The following ZNF768 variants were observed in gnomAD, a reference collection of about 807,000 sequenced individuals.
The protein encoded by ZNF768 is zinc finger protein 768.
ZNF768 carries 12 observed loss-of-function variants against 39.7 expected under a neutral mutation model. The ratio of observed to expected loss-of-function variants is 0.30; its 90% CI spans 0.19 to 0.49. The LOEUF (loss-of-function observed/expected upper bound fraction) is 0.49, where lower values mean the gene tolerates loss of function less well. ZNF768 is among the 20% of genes least tolerant of loss of function. ZNF768 has a pLI of 0.99. For missense variants in ZNF768, 613 were observed against 723.2 expected (o/e 0.85, Z 1.75); for synonymous variants, 360 against 288.4 (o/e 1.25, Z -2.52).
At position 30,526,438 on chromosome 16, in the gene ZNF768, CGGCGGCGAT is replaced by C; in HGVS notation, c.-34_-26del. The C allele has an allele frequency of 6.5e-7, 1 of 1,530,032 alleles. No homozygotes were observed. Among genetic ancestry groups the C allele is most frequent in the Non-Finnish European group, 8.8e-7 (1 of 1,140,360 alleles). The allele number at this position is 1,530,032 out of a possible 1,614,324, so 94.8% of individuals were successfully genotyped here. A position where few individuals can be genotyped will look rare whatever the true frequency, so the allele number is the denominator to read the frequency against. On this transcript the variant is annotated 5_prime_UTR_variant, in exon 1 of 2. Coordinates refer to ENST00000380412, the MANE Select transcript of ZNF768 (RefSeq NM_024671.4). ...TCCCCGCGGGCTCCCAGTGCAGCGGCGGCGGCGATGGCGGCCGATCCCGCGACCCGGCCT... is the reference window on the plus strand; with the variant it reads ...TCCCCGCGGGCTCCCAGTGCAGCGGCGGCGGCCGATCCCGCGACCCGGCCT...
upstream of ZNF768, chr16:30,530,423 T>C (rs1367227489): frequency 1.3e-5 from 2 of 152,248 alleles, no homozygotes; most frequent in Middle Eastern, 3.2e-3. The surrounding 1 kb of genome is among the most constrained non-coding windows in gnomAD (Gnocchi z 4.4). Flanking sequence ...TCTATCTGGC[T>C]GTCAGTCTGG....
rs923369034 is a variant in ZNF768, at chr16:30,526,497, C to T, written c.-84G>A. The T allele has an allele frequency of 8.0e-7, 1 of 1,249,926 alleles. No individual in the cohort carries two copies. The allele number at this position is 1,249,926 out of a possible 1,614,324, so 77.4% of individuals were successfully genotyped here. On this transcript the variant is annotated 5_prime_UTR_variant, in exon 1 of 2. Coordinates refer to ENST00000380412, the MANE Select transcript of ZNF768 (RefSeq NM_024671.4). ...TCGGTTGCCCCGAGCCGCGGGCCCC[C>T]GCCTCCCGCCCGCTCAGCGCCGCCC...
chr16:30,526,453 C>G lies in ZNF768; in HGVS notation c.-40G>C. 1 of 1,510,952 alleles carries G rather than the reference C, an allele frequency of 6.6e-7. No individual in the cohort carries two copies. The allele number at this position is 1,510,952 out of a possible 1,614,324, so 93.6% of individuals were successfully genotyped here. On this transcript the variant is annotated 5_prime_UTR_variant, in exon 1 of 2. Transcript: ENST00000380412. ...AGTGCAGCGGCGGCGGCGATGGCGG[C>G]CGATCCCGCGACCCGGCCTCGGTTG...
Position 30,525,174 on chromosome 16 carries a change from G to A in ZNF768, c.966C>T (p.Cys322=), listed in dbSNP as rs1364881484. 15 of 1,613,970 alleles carry A rather than the reference G, an allele frequency of 9.3e-6. No individual in the cohort carries two copies. The highest frequency in any genetic ancestry group is 6.7e-5 in the Admixed American group (4 of 60,002). The change falls in exon 2 of 2, where the codon TGC becomes TGT. Residue 322 remains cysteine (C), a synonymous_variant. Coordinates refer to ENST00000380412, the MANE Select transcript of ZNF768 (RefSeq NM_024671.4). The part of the protein sequence containing the change: ...TGERPYKCPR[C]GKAFADSSYL... ...AAGAGCTGTCGGCGAAGGCCTTGCC[G>A]CAACGGGGACATTTGTAGGGCCGCT...
chr16:30,525,485 G>C lies in ZNF768; in HGVS notation c.655C>G (p.Pro219Ala). The part of the protein sequence containing the change: ...DLPIGPPFEM[P>A]TGALLSTPQF... ...GGTGTAGACAGCAGGGCCCCTGTGG[G>C]CATCTCAAAAGGTGGCCCTATGGGC... Residue 219 changes from proline (P) to alanine (A), a missense_variant, in exon 2 of 2, where the codon CCC (proline) becomes GCC (alanine). Coordinates refer to ENST00000380412, the MANE Select transcript of ZNF768 (RefSeq NM_024671.4). 6.2e-7 allele frequency: 1 copy of C among 1,614,164 alleles called. No homozygotes were observed. The highest frequency in any genetic ancestry group is 1.3e-5 in the African/African-American group (1 of 75,066).
chr16:30,526,290 G>GC, intron 1 of ZNF768, 36 bp downstream of exon 1: 3 of 1,607,044 alleles, frequency 1.9e-6, no homozygotes, highest in Middle Eastern at 1.7e-4. Context: ...TCTCCTGCGC[G>GC]CAAGTCCACT....
At position 30,524,525 on chromosome 16, in the gene ZNF768, G is replaced by T. The variant is rs751771047; in HGVS notation, c.1615C>A (p.Arg539=). 5 of 1,607,348 alleles carry T rather than the reference G, an allele frequency of 3.1e-6. No individual in the cohort carries two copies. The highest frequency in any genetic ancestry group is 3.4e-6 in the Non-Finnish European group (4 of 1,178,642). ...CCTGCTGGGGCCCCAGGTCAGCGCC[G>T]GCCCGCCGCGTGGGTCCGCTGGTGG... The part of the protein sequence containing the change: ...IRHQRTHAAG[R]R Residue 539 remains arginine (R), a synonymous_variant, in exon 2 of 2, where the codon CGG becomes AGG. Transcript: ENST00000380412.
Position 30,524,330 on chromosome 16 carries a change from G to T in ZNF768, c.*187C>A. 1 of 972,036 alleles carries T rather than the reference G, an allele frequency of 1.0e-6. No individual in the cohort carries two copies. The highest frequency in any genetic ancestry group is 1.4e-6 in the Non-Finnish European group (1 of 692,468). The allele number at this position is 972,036 out of a possible 1,614,324, so 60.2% of individuals were successfully genotyped here. On this transcript the variant is annotated 3_prime_UTR_variant, in exon 2 of 2. Transcript: ENST00000380412. ...CCCAGGGCCTCCCGCTGCCGGCCTG[G>T]CCTCCCTCCAACCCACTTCCCACAA...
In ZNF768 at chr16:30,526,549, C is replaced by G; in HGVS notation, c.-136G>C. 1 of 1,077,088 alleles carries G rather than the reference C, an allele frequency of 9.3e-7. No individual in the cohort carries two copies. The highest frequency in any genetic ancestry group is 1.1e-6 in the Non-Finnish European group (1 of 889,928). The allele number at this position is 1,077,088 out of a possible 1,614,324, so 66.7% of individuals were successfully genotyped here. Reference sequence around the variant, plus strand: ...GGGGACTCGGCGGCCCAGCCCGGGCCCCCGAGGCCGGACGTCTTGACCCCG... The same window carrying G: ...GGGGACTCGGCGGCCCAGCCCGGGCGCCCGAGGCCGGACGTCTTGACCCCG... On this transcript the variant is annotated 5_prime_UTR_variant, in exon 1 of 2. Transcript: ENST00000380412.
At position 30,524,802 on chromosome 16, in the gene ZNF768, G is replaced by T. The variant is rs1197603675; in HGVS notation, c.1338C>A (p.Ile446=). 6.2e-7 allele frequency: 1 copy of T among 1,610,946 alleles called. No individual in the cohort carries two copies. Among genetic ancestry groups the T allele is most frequent in the Non-Finnish European group, 8.5e-7 (1 of 1,179,582 alleles). The part of the protein sequence containing the change: ...KRFGQSSVLA[I]HARTHLPGRT... ...GGCCTGGCAGGTGGGTGCGGGCGTG[G>T]ATGGCCAGCACCGAGCTCTGGCCAA... Residue 446 remains isoleucine, a synonymous_variant, in exon 2 of 2, where the codon ATC becomes ATA. Transcript: ENST00000380412.
chr16:30,526,256 T>C (rs1289949189), intron 1 of ZNF768, 70 bp downstream of exon 1: 3 of 1,588,416 alleles, frequency 1.9e-6, no homozygotes, highest in Admixed American at 1.8e-5. Flanking sequence ...GGGCCCTCGC[T>C]CCCTCCCTGG....
chr16:30,532,387 G>A, the ZNF768 span: 1 of 1,261,046 alleles, frequency 7.9e-7, no homozygotes, highest in Non-Finnish European at 1.1e-6. Flanking sequence ...CCGCACCCCA[G>A]GCCAGCTCTT....
intron 1 of ZNF768, 73 bp from the exon 2 acceptor site, chr16:30,526,124 C>T (rs2051321328): frequency 6.7e-7 from 1 of 1,493,646 alleles, no homozygotes; most frequent in Admixed American, 2.5e-5. Context: ...ACACACCTCC[C>T]ACCTCACATG....
chr16:30,527,168 C>T (rs1030528721), upstream of ZNF768: 1 of 985,312 alleles, frequency 1.0e-6, no homozygotes, highest in East Asian at 1.1e-4. Context: ...GCCTCCGGGT[C>T]AGCTCCGGCA....
chr16:30,526,844 C>T (rs2051332834), upstream of ZNF768: 1 of 984,828 alleles, frequency 1.0e-6, no homozygotes, highest in Non-Finnish European at 1.2e-6. Flanking sequence ...CCAGGTCCCC[C>T]CGCCGGCTCG....
upstream of ZNF768, chr16:30,530,357 C>G (rs540132170): frequency 6.6e-6 from 1 of 152,292 alleles, no homozygotes; most frequent in East Asian, 1.9e-4. This position sits in a 1 kb window ranked among gnomAD's most constrained non-coding sequence, Gnocchi z 4.4. Context: ...TCAAAGCTCT[C>G]AGAGACCTCT....
Position 30,524,441 on chromosome 16 carries a change from T to C in ZNF768, c.*76A>G. On this transcript the variant is annotated 3_prime_UTR_variant, in exon 2 of 2. Transcript: ENST00000380412. Reference sequence around the variant, plus strand: ...CCATTCTCCTGCGGCTTCTCCACTATCCTCCCTAAAGGTTCCTCTAGCTCC... The same window carrying C: ...CCATTCTCCTGCGGCTTCTCCACTACCCTCCCTAAAGGTTCCTCTAGCTCC... 1 of 1,515,302 alleles carries C rather than the reference T, an allele frequency of 6.6e-7. No homozygotes were observed. The highest frequency in any genetic ancestry group is 2.3e-5 in the East Asian group (1 of 44,166). 93.9% of individuals were successfully genotyped at this position (1,515,302 alleles called of 1,614,324 possible).
At chr16:30,528,572 C>A (rs191351957), upstream of ZNF768, among the ~76,000 whole-genome samples, 1 of 152,228 alleles carries the variant, frequency 6.6e-6, no homozygotes, top group East Asian at 1.9e-4. Flanking sequence ...ATAATAAAGG[C>A]TTACAAATAA....
At position 30,524,683 on chromosome 16, in the gene ZNF768, C is replaced by CT; in HGVS notation, c.1456dup (p.Arg486LysfsTer32). The CT allele has an allele frequency of 6.2e-7, 1 of 1,613,062 alleles. No individual in the cohort carries two copies. The highest frequency in any genetic ancestry group is 8.5e-7 in the Non-Finnish European group (1 of 1,179,792). ...GAAGCCCTTGCCGCACACGGCGCAC[C>CT]TGTAGGGCCGCTCGCCCGTGTGGGA... On this transcript the variant is annotated frameshift_variant, in exon 2 of 2. Transcript: ENST00000380412. LOFTEE classifies it high-confidence loss of function.
Sources: allele counts gnomAD v4.1 joint callset (sites outside exome capture counted in the v4.1 genomes callset), GRCh38; gene constraint gnomAD v4.1.1; non-coding constraint Gnocchi (gnomAD v3.1); transcripts MANE v1.5; gene names NCBI Gene and HGNC (gene_info 2026-07-23, HGNC 2026-07-21).